The following ATAD2 variants were observed in gnomAD, a reference collection of about 807,000 sequenced individuals.
ATAD2 encodes ATPase family AAA domain containing 2, also known as ATPase family AAA domain-containing protein 2.
Under a neutral mutation model 168.9 loss-of-function variants are expected in ATAD2, and 62 were observed. The ratio of observed to expected loss-of-function variants is 0.37; its 90% CI spans 0.30 to 0.45. The LOEUF is 0.45. Ranked by LOEUF, ATAD2 falls within the 20% of genes least tolerant of loss-of-function variation. The pLI is 1.00. For synonymous variants in ATAD2, 613 were observed against 571.6 expected, an observed-to-expected ratio of 1.07 and a Z score of -1.03; for missense variants, 1,419 against 1,667.8, an observed-to-expected ratio of 0.85 and a Z score of 2.60.
intron 21 of ATAD2, among the ~76,000 whole-genome samples, chr8:123,337,193 T>C (rs932685680): frequency 2.1e-4 from 32 of 151,714 alleles, no homozygotes; most frequent in African/African-American, 7.5e-4. Context: ...AGAAACCCTG[T>C]CTCTACTAAA....
chr8:123,367,781 A>G (rs966628152), intron 8 of ATAD2, among the ~76,000 whole-genome samples: 1 of 152,160 alleles, frequency 6.6e-6, no homozygotes, highest in Non-Finnish European at 1.5e-5. Context: ...AGAAATCTAG[A>G]TGTACACTTG....
At position 123,359,336 on chromosome 8, in the gene ATAD2, C is replaced by T; in HGVS notation, c.1267G>A (p.Val423Ile). 2 of 1,592,346 alleles carry T rather than the reference C, an allele frequency of 1.3e-6. No individual in the cohort carries two copies. Among genetic ancestry groups the T allele is most frequent in the Non-Finnish European group, 1.7e-6 (2 of 1,166,400 alleles). The part of the protein sequence containing the change: ...DVDPMQLDSS[V>I]RFDSVGGLSN... ...AGGCCACCAACACTATCAAATCGTACCTGGTAATGGAAGCGAACATGTACA... is the reference window on the plus strand; with the variant it reads ...AGGCCACCAACACTATCAAATCGTATCTGGTAATGGAAGCGAACATGTACA... Residue 423 changes from valine (V) to isoleucine (I), a missense_variant and splice_region_variant, in exon 11 of 28, where the codon GTA becomes ATA. Val to Ile is a conservative substitution (Grantham distance 29, BLOSUM62 3). Transcript: ENST00000287394.
chr8:123,384,337 A>C (rs983478970), intron 1 of ATAD2, among the ~76,000 whole-genome samples: 4 of 152,224 alleles, frequency 2.6e-5, no homozygotes, highest in Non-Finnish European at 5.9e-5. Flanking sequence ...ACATTTATAA[A>C]AACAATGCAA....
chr8:123,388,002 T>C (rs1001663667), intron 1 of ATAD2, among the ~76,000 whole-genome samples: 2 of 152,212 alleles, frequency 1.3e-5, no homozygotes, highest in African/African-American at 4.8e-5. Flanking sequence ...ATACATGTTA[T>C]ATCACTATAG....
At chr8:123,381,674 G>A (rs764239552) in intron 1 of ATAD2, among the ~76,000 whole-genome samples, 4 of 152,060 alleles carry the variant, frequency 2.6e-5, no homozygotes, top group Non-Finnish European at 5.9e-5. Context: ...TTCATACACC[G>A]CTCTGAGATC....
At chr8:123,332,187 G>GT (rs1827793493) in intron 24 of ATAD2, among the ~76,000 whole-genome samples, 3 of 152,116 alleles carry the variant, frequency 2.0e-5, no homozygotes, top group African/African-American at 4.8e-5. Context: ...CAATCTGCAA[G>GT]TTTTTTCAAA....
intron 13 of ATAD2, chr8:123,352,610 GA>G (rs1033967054): frequency 1.6e-4 from 25 of 151,910 alleles, no homozygotes; most frequent in African/African-American, 6.0e-4. Context: ...TAACAGTGCT[GA>G]AGAGGGTTCC....
intron 13 of ATAD2, among the ~76,000 whole-genome samples, chr8:123,353,930 C>A (rs1032837869): frequency 1.3e-5 from 2 of 152,052 alleles, no homozygotes; most frequent in Non-Finnish European, 2.9e-5. Flanking sequence ...ATCAGGAGTT[C>A]GAGACCAGCC....
intron 25 of ATAD2, 71 bp from the exon 26 acceptor site, chr8:123,326,097 T>C (rs1827608719): frequency 6.7e-7 from 1 of 1,495,984 alleles, no homozygotes; most frequent in East Asian, 2.4e-5. Flanking sequence ...ATAATAATAT[T>C]AGGCAGATTA....
intron 1 of ATAD2, among the ~76,000 whole-genome samples, chr8:123,414,463 C>T (rs1229269361): frequency 6.6e-6 from 1 of 152,130 alleles, no homozygotes; most frequent in Non-Finnish European, 1.5e-5. Context: ...ATGTAAAGAA[C>T]TATTAATTAT....
At chr8:123,368,245 C>T (rs2129723092) in intron 8 of ATAD2, among the ~76,000 whole-genome samples, 1 of 152,150 alleles carries the variant, frequency 6.6e-6, no homozygotes, top group South Asian at 2.1e-4. Flanking sequence ...TGGTGAAAAC[C>T]CGTCTCTACT....
chr8:123,400,955 TG>T, upstream of ATAD2: 1 of 1,410,260 alleles, frequency 7.1e-7, no homozygotes, highest in Admixed American at 1.7e-5. This position sits in a 1 kb window ranked among gnomAD's most constrained non-coding sequence, Gnocchi z 4.5. Flanking sequence ...TCGCACCCTG[TG>T]GGTGATGTGC....
intron 16 of ATAD2, 120 bp downstream of exon 16, chr8:123,346,971 TA>T: frequency 8.3e-7 from 1 of 1,205,828 alleles, no homozygotes; most frequent in South Asian, 1.6e-5. Context: ...ATATCCCAGG[TA>T]AAGCATTACC....
intron 19 of ATAD2, chr8:123,344,522 T>C (rs935029133): frequency 1.1e-5 from 2 of 182,326 alleles, no homozygotes; most frequent in African/African-American, 4.8e-5. Flanking sequence ...ATTTTTTTTG[T>C]ATTTTTAGTA....
chr8:123,320,849 C>T lies in ATAD2; in HGVS notation c.*285G>A. ...CTAATTATTCTTAAGTGCCATAAAA[C>T]ATTAGTTACCAAAATAACTTTATTA... On this transcript the variant is annotated 3_prime_UTR_variant, in exon 28 of 28. Coordinates refer to ENST00000287394, the MANE Select transcript of ATAD2 (RefSeq NM_014109.4). 3.1e-6 allele frequency: 1 copy of T among 322,492 alleles called. No homozygotes were observed. The highest frequency in any genetic ancestry group is 8.7e-4 in the Middle Eastern group (1 of 1,144). The allele number at this position is 322,492 out of a possible 1,614,324, so 20.0% of individuals were successfully genotyped here.
rs1263023586 is a variant in ATAD2 at position 123,320,148 on chromosome 8, C to T, written c.*986G>A. 3.3e-5 allele frequency: 5 copies of T among 152,088 alleles called. No individual in the cohort carries two copies. The highest frequency in any genetic ancestry group is 6.5e-5 in the Admixed American group (1 of 15,272). The allele number at this position is 152,088 out of a possible 1,614,324, so 9.4% of individuals were successfully genotyped here. A position where few individuals can be genotyped will look rare whatever the true frequency, so the allele number is the denominator to read the frequency against. On this transcript the variant is annotated 3_prime_UTR_variant, in exon 28 of 28. Coordinates refer to ENST00000287394, the MANE Select transcript of ATAD2 (RefSeq NM_014109.4). ...GCTCAACTTTGAACTGCATTAAAAT[C>T]CAGAATCTCTCATTTTAGATGACCA...
chr8:123,340,947 C>CTTT (rs557121930), intron 19 of ATAD2, among the ~76,000 whole-genome samples: 3 of 143,432 alleles, frequency 2.1e-5, no homozygotes, highest in African/African-American at 5.1e-5. Context: ...TAAGTTTTGT[C>CTTT]TTTTTTTTTT....
chr8:123,339,583 C>T (rs1828010275), intron 19 of ATAD2, 137 bp from the exon 20 acceptor site: 14 of 788,998 alleles, frequency 1.8e-5, no homozygotes, highest in East Asian at 5.5e-5. Context: ...ACTTAACAAT[C>T]GGGTTATGTC....
rs112492316 is a variant in ATAD2, at chr8:123,369,948, A to G, written c.804T>C (p.Asp268=). 1.2e-4 allele frequency: 184 copies of G among 1,519,852 alleles called. No homozygotes were observed. The highest frequency in any genetic ancestry group is 1.0e-3 in the African/African-American group (64 of 61,120). 94.1% of individuals were successfully genotyped at this position (1,519,852 alleles called of 1,614,324 possible). ...EDEDDEDDDD[D]DDDDDDDDDE... is the part of the protein sequence containing the mutation. ...CATCATCATCATCATCATCATCGTC[A>G]TCATCATCATCATCTTCATCATCTT... Residue 268 remains aspartate (D), a synonymous_variant, in exon 7 of 28, where the codon GAT becomes GAC. Transcript: ENST00000287394.
Sources: allele counts gnomAD v4.1 joint callset (sites outside exome capture counted in the v4.1 genomes callset), GRCh38; gene constraint gnomAD v4.1.1; non-coding constraint Gnocchi (gnomAD v3.1); transcripts MANE v1.5; gene names NCBI Gene and HGNC (gene_info 2026-07-23, HGNC 2026-07-21).